Variants in TMEM117 observed in about 807,000 individuals in gnomAD.
TMEM117 encodes transmembrane protein 117.
A neutral mutation model predicts 52.4 loss-of-function variants in TMEM117; 27 were observed. That is an observed-to-expected ratio of 0.51 (90% confidence interval 0.38 to 0.71). TMEM117 has a LOEUF of 0.71. Among genes scored for constraint, TMEM117 ranks in the 30% least tolerant of loss-of-function variants. The pLI is 0.00. For synonymous variants in TMEM117, 215 were observed against 206.3 expected, an observed-to-expected ratio of 1.04 and a Z score of -0.36; for missense variants, 556 against 630.5, an observed-to-expected ratio of 0.88 and a Z score of 1.26.
At position 44,101,716 on chromosome 12, in the gene TMEM117, TTC is replaced by T. The variant is rs1426446480; in HGVS notation, c.411-41807_411-41806del. Among the ~76,000 whole-genome samples, 4 of 152,134 alleles carry T rather than the reference TTC, an allele frequency of 2.6e-5. No homozygotes were observed. In the East Asian group the frequency reaches 7.8e-4, roughly 30 times the overall value. On this transcript the variant is annotated intron_variant, in intron 3 of 7. Coordinates refer to ENST00000266534, the MANE Select transcript of TMEM117 (RefSeq NM_032256.3). ...ACCCCCTCAGAGACCGGCTGTCATT[TTC>T]TGTTTCTGTCTTATGTCCTTCCACT...
chr12:44,316,297 T>TG (rs1226761956), intron 6 of TMEM117, among the ~76,000 whole-genome samples: 2 of 152,124 alleles, frequency 1.3e-5, no homozygotes, highest in Non-Finnish European at 2.9e-5. Context: ...TTTTTATTGT[T>TG]GGGGGTGTCT....
intron 4 of TMEM117, among the ~76,000 whole-genome samples, chr12:44,186,911 T>C (rs541761699): frequency 1.8e-4 from 28 of 152,238 alleles, no homozygotes; most frequent in African/African-American, 4.6e-4. Context: ...TCTTGAGAGT[T>C]TACACGGTAG....
chr12:44,168,177 C>T (rs990199136), intron 4 of TMEM117, among the ~76,000 whole-genome samples: 7 of 151,798 alleles, frequency 4.6e-5, no homozygotes, highest in East Asian at 3.9e-4. Context: ...TCCTTGAACC[C>T]GGGAGGCGGA....
At chr12:44,362,720 G>A (rs920761473) in intron 6 of TMEM117, among the ~76,000 whole-genome samples, 12 of 151,904 alleles carry the variant, frequency 7.9e-5, no homozygotes, top group Non-Finnish European at 1.5e-5. Flanking sequence ...AGAGTAAAGA[G>A]AAGTGACAAG....
chr12:43,950,868 GA>G (rs1945209488), intron 3 of TMEM117, among the ~76,000 whole-genome samples: 1 of 152,202 alleles, frequency 6.6e-6, no homozygotes, highest in Non-Finnish European at 1.5e-5. Context: ...CAAGATGGCC[GA>G]ATAGAAACAG....
intron 3 of TMEM117, among the ~76,000 whole-genome samples, chr12:44,133,093 A>G: frequency 6.6e-6 from 1 of 152,226 alleles, no homozygotes; most frequent in East Asian, 1.9e-4. Flanking sequence ...TAGCACAGGC[A>G]TGGTACAATG....
intron 5 of TMEM117, among the ~76,000 whole-genome samples, chr12:44,240,959 T>A (rs1950054107): frequency 1.3e-5 from 2 of 152,014 alleles, no homozygotes; most frequent in South Asian, 4.1e-4. Context: ...ATCTCCCCAC[T>A]ATTGAATCAT....
the TMEM117 span, chr12:43,799,520 A>C: frequency 1.4e-6 from 2 of 1,418,580 alleles, no homozygotes; most frequent in Non-Finnish European, 2.0e-6. Flanking sequence ...TACAGAATAG[A>C]CTATAATCAG....
intron 5 of TMEM117, among the ~76,000 whole-genome samples, chr12:44,247,913 A>G (rs1280831100): frequency 2.0e-5 from 3 of 152,020 alleles, no homozygotes; most frequent in Admixed American, 6.6e-5. Context: ...TGCCTGTGGA[A>G]CCTCTTATGC....
intron 3 of TMEM117, among the ~76,000 whole-genome samples, chr12:44,053,483 C>T (rs12306621): frequency 2.0e-5 from 3 of 152,114 alleles, no homozygotes; most frequent in African/African-American, 4.8e-5. Flanking sequence ...GAGTTTTTAT[C>T]TAGGTTTCAT....
chr12:43,924,022 C>G (rs1449580123), intron 2 of TMEM117, among the ~76,000 whole-genome samples: 1 of 152,182 alleles, frequency 6.6e-6, no homozygotes, highest in Non-Finnish European at 1.5e-5. Context: ...GCCTAGAACA[C>G]AGCACTATAT....
At chr12:43,830,235 C>G in the TMEM117 span, among the ~76,000 whole-genome samples, 16 of 152,172 alleles carry the variant, frequency 1.1e-4, no homozygotes, top group South Asian at 3.3e-3. Flanking sequence ...GTGATGCTGA[C>G]CACCCCACCA....
At chr12:44,077,325 T>A (rs1947397960) in intron 3 of TMEM117, among the ~76,000 whole-genome samples, 1 of 152,230 alleles carries the variant, frequency 6.6e-6, no homozygotes, top group Non-Finnish European at 1.5e-5. Context: ...TTGTGCAGAA[T>A]TTGAAAATCT....
intron 2 of TMEM117, among the ~76,000 whole-genome samples, chr12:43,899,617 G>A (rs948941569): frequency 1.6e-5 from 2 of 123,612 alleles, no homozygotes; most frequent in African/African-American, 5.2e-5. Flanking sequence ...TTCATTTCAG[G>A]TGTGTTTCCC....
the TMEM117 span, among the ~76,000 whole-genome samples, chr12:43,830,214 A>G: frequency 6.6e-6 from 1 of 152,082 alleles, no homozygotes; most frequent in Non-Finnish European, 1.5e-5. Context: ...AGCCCTGTGT[A>G]TGAATCAGGA....
At chr12:43,806,872 A>G in the TMEM117 span, among the ~76,000 whole-genome samples, 1,994 of 152,304 alleles carry the variant, frequency 0.013, 38 homozygotes, top group African/African-American at 0.045. Flanking sequence ...GACTCAGTGT[A>G]TCTTTCTCTT....
At chr12:44,065,781 A>G (rs1408461707) in intron 3 of TMEM117, among the ~76,000 whole-genome samples, 4 of 152,214 alleles carry the variant, frequency 2.6e-5, no homozygotes, top group African/African-American at 4.8e-5. Context: ...ACAGATAAAA[A>G]TACCTAGCTA....
At chr12:43,866,800 A>G (rs1232741680) in intron 2 of TMEM117, among the ~76,000 whole-genome samples, 6 of 152,206 alleles carry the variant, frequency 3.9e-5, no homozygotes, top group Non-Finnish European at 5.9e-5. Flanking sequence ...TTAAAAGACA[A>G]AAATGTTTAG....
At chr12:44,152,712 C>T (rs1184283866) in intron 4 of TMEM117, among the ~76,000 whole-genome samples, 4 of 125,874 alleles carry the variant, frequency 3.2e-5, no homozygotes, top group African/African-American at 1.2e-4. Flanking sequence ...TTTATATATA[C>T]TATATATAAT....
Sources: allele counts gnomAD v4.1 joint callset (sites outside exome capture counted in the v4.1 genomes callset), GRCh38; gene constraint gnomAD v4.1.1; transcripts MANE v1.5; gene names NCBI Gene and HGNC (gene_info 2026-07-23, HGNC 2026-07-21).